CTNNA2: variants seen among roughly 807,000 people sequenced by gnomAD.
CTNNA2 encodes catenin alpha-2.
CTNNA2 carries 42 observed loss-of-function variants against 101.0 expected under a neutral mutation model. The observed-to-expected ratio is 0.42, with a 90% confidence interval of 0.32 to 0.54. The LOEUF (loss-of-function observed/expected upper bound fraction) is 0.54, where lower values mean the gene tolerates loss of function less well. Ranked by LOEUF, CTNNA2 falls within the 20% of genes least tolerant of loss-of-function variation. The pLI is 0.14. For synonymous variants in CTNNA2, 450 were observed against 456.4 expected (o/e 0.99, Z 0.18); for missense variants, 871 against 1,223.1 (o/e 0.71, Z 4.29).
chr2:80,359,049 C>T (rs1674129864), intron 7 of CTNNA2, among the ~76,000 whole-genome samples: 1 of 151,574 alleles, frequency 6.6e-6, no homozygotes, highest in Admixed American at 6.6e-5. Flanking sequence ...ACTGTAGGCT[C>T]ACTAATGAAA....
At chr2:79,578,250 A>C (rs943024802) in intron 1 of CTNNA2, among the ~76,000 whole-genome samples, 13 of 151,976 alleles carry the variant, frequency 8.6e-5, no homozygotes, top group Non-Finnish European at 1.5e-4. Context: ...GTCTTTTTTT[A>C]ATATGTAGAA....
intron 9 of CTNNA2, among the ~76,000 whole-genome samples, chr2:80,542,268 AGTTT>A (rs1341430089): frequency 2.0e-5 from 3 of 151,938 alleles, no homozygotes; most frequent in Non-Finnish European, 2.9e-5. Context: ...TATATATTAT[AGTTT>A]GTTTTTTCTA....
intron 2 of CTNNA2, among the ~76,000 whole-genome samples, chr2:79,256,860 G>T (rs896203693): frequency 1.3e-5 from 2 of 152,204 alleles, no homozygotes; most frequent in African/African-American, 4.8e-5. Flanking sequence ...AAGATTAAAT[G>T]AGATAAAATG....
At chr2:80,330,324 G>A (rs2149261511) in intron 7 of CTNNA2, among the ~76,000 whole-genome samples, 1 of 152,214 alleles carries the variant, frequency 6.6e-6, no homozygotes, top group Middle Eastern at 3.4e-3. Flanking sequence ...GATAAAACAG[G>A]AAAAAATAAA....
chr2:80,416,499 G>C (rs1227624115), intron 8 of CTNNA2, among the ~76,000 whole-genome samples: 1 of 151,942 alleles, frequency 6.6e-6, no homozygotes, highest in East Asian at 1.9e-4. Flanking sequence ...AGGAAATGAT[G>C]AATTAAAATT....
chr2:79,913,177 A>G (rs1685930934), intron 7 of CTNNA2, among the ~76,000 whole-genome samples: 1 of 152,216 alleles, frequency 6.6e-6, no homozygotes. Flanking sequence ...GGAAGTCTAA[A>G]ACATGGGAGT....
intron 3 of CTNNA2, among the ~76,000 whole-genome samples, chr2:79,317,570 GAGTGTTCTACCA>G (rs1676526515): frequency 6.6e-6 from 1 of 152,008 alleles, no homozygotes; most frequent in Non-Finnish European, 1.5e-5. Flanking sequence ...CCTTTCATCA[GAGTGTTCTACCA>G]AGTCATAAGG....
chr2:79,427,879 A>G (rs767004517), intron 4 of CTNNA2, among the ~76,000 whole-genome samples: 4 of 152,060 alleles, frequency 2.6e-5, no homozygotes, highest in Non-Finnish European at 4.4e-5. Context: ...CTAAAGGAAC[A>G]GATAATTTTG....
At chr2:79,521,910 A>G (rs560659114) in intron 1 of CTNNA2, among the ~76,000 whole-genome samples, 1 of 152,144 alleles carries the variant, frequency 6.6e-6, no homozygotes, top group African/African-American at 2.4e-5. Flanking sequence ...GTGGGCAAGC[A>G]TACAAATAGT....
At chr2:79,601,304 G>C (rs1433058131) in intron 1 of CTNNA2, among the ~76,000 whole-genome samples, 3 of 152,196 alleles carry the variant, frequency 2.0e-5, no homozygotes, top group Non-Finnish European at 4.4e-5. Context: ...TGGATGACTG[G>C]TAAGGAAATG....
rs114413269 is a variant in CTNNA2, at chr2:80,204,322, T to G, written c.1057-188889T>G. On this transcript the variant is annotated intron_variant, in intron 7 of 18. Transcript: ENST00000402739. ...GTCAGGCTGCAAACTTCCCAAACGT[T>G]TATGCTGTCTTTCCCCTTTAAAACT... Among the ~76,000 whole-genome samples the G allele has an allele frequency of 3.8e-3, 573 of 152,290 alleles. 2 individuals carry two copies. Among genetic ancestry groups the G allele is most frequent in the African/African-American group, 0.013 (538 of 41,560 alleles).
rs924678730 is a variant in CTNNA2 at position 80,169,653 on chromosome 2, C to T, written c.1057-223558C>T. Among the ~76,000 whole-genome samples the T allele has an allele frequency of 3.3e-5, 5 of 152,088 alleles. No individual in the cohort carries two copies. In the South Asian group the frequency reaches 6.2e-4, roughly 19 times the overall value. ...GCCTGATGGATGCTTCCTACCTTGG[C>T]GGCACCTTCCTCTTGTTACCCACAG... On this transcript the variant is annotated intron_variant, in intron 7 of 18. Transcript: ENST00000402739.
chr2:80,515,766 A>C (rs1038407663), intron 9 of CTNNA2, among the ~76,000 whole-genome samples: 3 of 152,228 alleles, frequency 2.0e-5, no homozygotes, highest in Non-Finnish European at 2.9e-5. Flanking sequence ...GTGGAAAATA[A>C]AGCAGAAGGG....
At chr2:79,809,068 A>C (rs552570211) in intron 3 of CTNNA2, among the ~76,000 whole-genome samples, 222 of 152,134 alleles carry the variant, frequency 1.5e-3, no homozygotes, top group East Asian at 9.7e-4. Flanking sequence ...TGTTAGTTTG[A>C]TGAGAATGAT....
chr2:80,123,292 C>T (rs557505428), intron 7 of CTNNA2, among the ~76,000 whole-genome samples: 94 of 152,224 alleles, frequency 6.2e-4, no homozygotes, highest in African/African-American at 1.9e-3. Flanking sequence ...AAGAAAACAG[C>T]TTAATGAAGC....
chr2:79,273,855 A>ACCGCC (rs1222537148), intron 2 of CTNNA2, among the ~76,000 whole-genome samples: 2 of 151,728 alleles, frequency 1.3e-5, no homozygotes, highest in African/African-American at 2.4e-5. Context: ...GAAAGGGCTG[A>ACCGCC]CCGCCCCAGA....
At chr2:79,266,396 G>T (rs1674987095) in intron 2 of CTNNA2, among the ~76,000 whole-genome samples, 1 of 152,162 alleles carries the variant, frequency 6.6e-6, no homozygotes, top group Non-Finnish European at 1.5e-5. Flanking sequence ...ACCCACCGTG[G>T]TAATGTGTCT....
intron 1 of CTNNA2, among the ~76,000 whole-genome samples, chr2:79,189,295 C>A (rs534374557): frequency 8.9e-4 from 135 of 152,168 alleles, no homozygotes; most frequent in Non-Finnish European, 1.5e-3. Flanking sequence ...CTGAATCATT[C>A]GTTCTAGATG....
intron 2 of CTNNA2, among the ~76,000 whole-genome samples, chr2:79,683,492 G>A (rs1573668185): frequency 6.6e-6 from 1 of 152,200 alleles, no homozygotes; most frequent in African/African-American, 2.4e-5. Flanking sequence ...CTTTTGTTTA[G>A]AAGTGTTGTT....
Sources: allele counts gnomAD v4.1 joint callset (sites outside exome capture counted in the v4.1 genomes callset), GRCh38; gene constraint gnomAD v4.1.1; transcripts MANE v1.5; gene names NCBI Gene and HGNC (gene_info 2026-07-23, HGNC 2026-07-21).